Variants in PARP4 observed in about 807,000 individuals in gnomAD.
The protein encoded by PARP4 is poly(ADP-ribose) polymerase family member 4, also known as protein mono-ADP-ribosyltransferase PARP4.
PARP4 carries 120 observed loss-of-function variants against 187.7 expected under a neutral mutation model. The observed-to-expected ratio is 0.64, with a 90% CI of 0.55 to 0.74. The LOEUF is 0.74. Among genes scored for constraint, PARP4 ranks in the 30% least tolerant of loss-of-function variants. PARP4 has a pLI of 0.00. For missense variants in PARP4, 1,836 were observed against 2,070.5 expected (o/e 0.89, Z 2.20); for synonymous variants, 654 against 740.9 (o/e 0.88, Z 1.90).
chr13:24,436,285 T>A (rs1870634298), intron 30 of PARP4, among the ~76,000 whole-genome samples: 1 of 152,224 alleles, frequency 6.6e-6, no homozygotes, highest in Non-Finnish European at 1.5e-5. Flanking sequence ...AAAAACAGTC[T>A]CAAAAGCTTT....
intron 15 of PARP4, among the ~76,000 whole-genome samples, chr13:24,473,876 G>A (rs1448673509): frequency 1.3e-5 from 2 of 152,034 alleles, no homozygotes; most frequent in Non-Finnish European, 2.9e-5. Context: ...CTCCCTCCTG[G>A]TCTCTGTGGC....
At chr13:24,477,189 A>G (rs1873028625) in intron 14 of PARP4, among the ~76,000 whole-genome samples, 1 of 152,210 alleles carries the variant, frequency 6.6e-6, no homozygotes, top group Non-Finnish European at 1.5e-5. Flanking sequence ...AAGATAAAAA[A>G]GGAAATGAGG....
intron 21 of PARP4, among the ~76,000 whole-genome samples, chr13:24,455,480 A>AAT (rs57015283): frequency 0.15 from 15,713 of 108,198 alleles, 1,460 homozygotes; most frequent in East Asian, 0.3. Flanking sequence ...TTATGGAACA[A>AAT]ATATATATAT....
At chr13:24,428,974 A>G (rs958783336) in intron 32 of PARP4, among the ~76,000 whole-genome samples, 12 of 151,990 alleles carry the variant, frequency 7.9e-5, no homozygotes, top group African/African-American at 2.9e-4. Flanking sequence ...TTTTGATATC[A>G]TTCCACAGTC....
intron 25 of PARP4, among the ~76,000 whole-genome samples, 165 bp downstream of exon 25, chr13:24,449,553 G>A (rs569338073): frequency 2.0e-4 from 31 of 152,206 alleles, no homozygotes; most frequent in African/African-American, 6.7e-4. Flanking sequence ...GAACACCTGT[G>A]TTCCCGCTGG....
chr13:24,496,326 T>C (rs1278086715), intron 6 of PARP4, among the ~76,000 whole-genome samples: 1 of 152,182 alleles, frequency 6.6e-6, no homozygotes, highest in East Asian at 1.9e-4. Flanking sequence ...GACCATGGAT[T>C]AGCTTTCTAG....
At chr13:24,495,060 A>G (rs1475190171) in intron 6 of PARP4, among the ~76,000 whole-genome samples, 3 of 151,968 alleles carry the variant, frequency 2.0e-5, no homozygotes, top group African/African-American at 7.2e-5. Context: ...TTTTTTTGGT[A>G]GAGATGGGGT....
chr13:24,479,883 C>T (rs1873177205), intron 12 of PARP4, among the ~76,000 whole-genome samples: 1 of 152,212 alleles, frequency 6.6e-6, no homozygotes, highest in Non-Finnish European at 1.5e-5. Flanking sequence ...AGCTGTAACA[C>T]TCACCACGAA....
intron 33 of PARP4, among the ~76,000 whole-genome samples, chr13:24,425,581 C>G (rs1275213889): frequency 9.3e-5 from 11 of 117,996 alleles, no homozygotes; most frequent in African/African-American, 4.2e-4. Context: ...ATATCTATAT[C>G]TATATCTATA....
At chr13:24,427,612 A>T (rs1870125625) in intron 32 of PARP4, among the ~76,000 whole-genome samples, 1 of 152,170 alleles carries the variant, frequency 6.6e-6, no homozygotes, top group Admixed American at 6.5e-5. Flanking sequence ...ACTTTTTTTG[A>T]GTAAAGACAA....
At chr13:24,483,220 C>T (rs1341002080) in intron 12 of PARP4, among the ~76,000 whole-genome samples, 1 of 151,664 alleles carries the variant, frequency 6.6e-6, no homozygotes, top group Non-Finnish European at 1.5e-5. Context: ...GGCGCGGTGG[C>T]TCACGCCTGT....
chr13:24,488,620 CTGGA>C (rs1296061223), intron 10 of PARP4, among the ~76,000 whole-genome samples: 3 of 152,174 alleles, frequency 2.0e-5, no homozygotes, highest in Admixed American at 2.0e-4. Flanking sequence ...TCCCAAAGTG[CTGGA>C]ATTACAGGCA....
Position 24,426,515 on chromosome 13 carries a change from C to T in PARP4, c.4930G>A (p.Gly1644Arg), listed in dbSNP as rs1593581970. Residue 1644 changes from glycine to arginine, a missense_variant, in exon 33 of 34, where the codon GGA (glycine) becomes AGA (arginine). By Grantham distance (125) the Gly-to-Arg change is moderately radical. This residue lies in a region of PARP4 where 45 missense variants were observed against 53.1 expected (regional missense o/e 0.85). Coordinates refer to ENST00000381989, the MANE Select transcript of PARP4 (RefSeq NM_006437.4). ...TTCATCAGTGATTTGAACACTATTC[C>T]CTCTTTTTCCAACCTGGTGCGAATA... ...QFIRTRLEKEGIVFKSLMKMD... is the reference protein window; with the variant it reads ...QFIRTRLEKERIVFKSLMKMD... 2 of 1,612,044 alleles carry T rather than the reference C, an allele frequency of 1.2e-6. No individual in the cohort carries two copies. Among genetic ancestry groups the T allele is most frequent in the East Asian group, 4.5e-5 (2 of 44,862 alleles).
At chr13:24,449,451 C>CA (rs1871392060) in intron 25 of PARP4, among the ~76,000 whole-genome samples, 1 of 148,868 alleles carries the variant, frequency 6.7e-6, no homozygotes, top group East Asian at 2.0e-4. Context: ...ACAATTTCAG[C>CA]AAAACATATT....
At position 24,435,090 on chromosome 13, in the gene PARP4, C is replaced by T. The variant is rs748416939; in HGVS notation, c.4051G>A (p.Gly1351Ser). Residue 1351 changes from glycine to serine, a missense_variant, in exon 31 of 34, where the codon GGT (glycine) becomes AGT (serine). Transcript: ENST00000381989. Reference sequence around the variant, plus strand: ...AACTGTCTGGGAGGAGCAGCTGAACCGAAACTAGCTACCTGACGATATGAG... The same window carrying T: ...AACTGTCTGGGAGGAGCAGCTGAACTGAAACTAGCTACCTGACGATATGAG... ...FASYRQVASF[G>S]SAAPPRQFDA... 2.7e-5 allele frequency: 44 copies of T among 1,614,080 alleles called. 1 individual carries two copies. In the Admixed American group the frequency reaches 4.8e-4, roughly 18 times the overall value.
At chr13:24,472,014 C>T (rs1351797032) in intron 15 of PARP4, among the ~76,000 whole-genome samples, 2 of 152,126 alleles carry the variant, frequency 1.3e-5, no homozygotes, top group African/African-American at 2.4e-5. Flanking sequence ...AACTCCGGAT[C>T]CTTTGCTTTG....
intron 30 of PARP4, among the ~76,000 whole-genome samples, chr13:24,441,561 C>T (rs1306478083): frequency 2.0e-5 from 3 of 152,260 alleles, no homozygotes; most frequent in Non-Finnish European, 4.4e-5. Flanking sequence ...TATTATACTA[C>T]CTAAATGACT....
intron 9 of PARP4, 32 bp downstream of exon 9, chr13:24,492,389 A>T: frequency 6.6e-7 from 1 of 1,512,320 alleles, no homozygotes; most frequent in Non-Finnish European, 9.0e-7. Flanking sequence ...CATATTTTAT[A>T]ATAAATAGAA....
rs147106726 is a variant in PARP4 at position 24,451,447 on chromosome 13, A to G, written c.3014+959T>C. On this transcript the variant is annotated intron_variant, in intron 24 of 33. Transcript: ENST00000381989. ...CAAGGCAGGCAGAGCTGGCTTGAGT[A>G]TAGCAGCTAGGGGTGTCGGAGGCCA... 4.8e-4 allele frequency among the ~76,000 whole-genome samples: 73 copies of G among 152,230 alleles called. No individual in the cohort carries two copies. In the East Asian group the frequency reaches 8.7e-3, roughly 18 times the overall value.
Sources: gnomAD v4.1 joint callset for allele counts (sites outside exome capture counted in the v4.1 genomes callset) on GRCh38, gnomAD v4.1.1 for gene constraint, gnomAD v4.1.1 regional missense constraint, MANE v1.5 for transcripts, NCBI Gene and HGNC (gene_info 2026-07-23, HGNC 2026-07-21) for gene names.